The following TRPA1 variants were observed in gnomAD, a reference collection of about 807,000 sequenced individuals.
The protein encoded by TRPA1 is ankyrin-like with transmembrane domains 1.
In TRPA1, 129 loss-of-function variants were observed where a neutral mutation model predicts 131.3. That is an observed-to-expected ratio of 0.98 (90% CI 0.85 to 1.14). The LOEUF (loss-of-function observed/expected upper bound fraction) is 1.14. TRPA1 is among the 50% of genes most tolerant of loss of function. The pLI is 0.00. For missense variants in TRPA1, 1,304 were observed against 1,354.2 expected (o/e 0.96, Z 0.58); for synonymous variants, 441 against 451.7 (o/e 0.98, Z 0.30).
chr8:72,076,201 C>T (rs1806181252), upstream of TRPA1, among the ~76,000 whole-genome samples: 3 of 152,150 alleles, frequency 2.0e-5, no homozygotes, highest in Admixed American at 2.0e-4. Flanking sequence ...ATCCCCCTCA[C>T]ACTTTGGTGT....
At chr8:72,084,593 A>C in the TRPA1 span, among the ~76,000 whole-genome samples, 1 of 148,778 alleles carries the variant, frequency 6.7e-6, no homozygotes, top group Non-Finnish European at 1.5e-5. Context: ...AAATTATCTT[A>C]CTTTATTTAT....
Position 72,065,547 on chromosome 8 carries a change from C to T in TRPA1, c.456G>A (p.Glu152=). The change falls in exon 4 of 27, where the codon GAG becomes GAA. Residue 152 remains glutamate, a synonymous_variant. Coordinates refer to ENST00000262209, the MANE Select transcript of TRPA1 (RefSeq NM_007332.3). The part of the protein sequence containing the change: ...MNNEVMKVLL[E]HRTIDVNLEG... The stretch of plus-strand genomic sequence containing the variant: ...CCAAATTAACATCAATAGTTCTATG[C>T]TCAAGCAAGACCTAAAAAAAGGGGA... The T allele has an allele frequency of 3.1e-6, 5 of 1,612,986 alleles. No homozygotes were observed. The highest frequency in any genetic ancestry group is 4.2e-6 in the Non-Finnish European group (5 of 1,179,320).
intron 1 of TRPA1, among the ~76,000 whole-genome samples, chr8:72,074,110 A>G (rs957842828): frequency 6.6e-6 from 1 of 152,012 alleles, no homozygotes; most frequent in African/African-American, 2.4e-5. Context: ...ACATACAGAC[A>G]TATCCATAAA....
chr8:72,029,075 C>T (rs749111081), intron 24 of TRPA1, among the ~76,000 whole-genome samples: 2 of 152,126 alleles, frequency 1.3e-5, no homozygotes, highest in African/African-American at 2.4e-5. Context: ...CAGGAAGGCA[C>T]CTCACAAGAT....
intron 9 of TRPA1, 92 bp from the exon 10 acceptor site, chr8:72,057,109 T>A: frequency 1.0e-6 from 1 of 978,646 alleles, no homozygotes; most frequent in Non-Finnish European, 1.5e-6. Flanking sequence ...AAAATTTGAC[T>A]AAAAATATTG....
Position 72,021,539 on chromosome 8 carries a change from A to T in TRPA1, c.*1367T>A, listed in dbSNP as rs2044270. ...TGCAACATTGCCTCTAGGCCATGTG[A>T]TCTGTTGGACCATGAATGTAAAAGT... is the stretch of plus-strand genomic sequence containing the variant. On this transcript the variant is annotated 3_prime_UTR_variant, in exon 27 of 27. Transcript: ENST00000262209. 97,201 of 152,098 alleles carry T rather than the reference A, an allele frequency of 0.64. 32,061 individuals are homozygous for T. The highest frequency in any genetic ancestry group is 0.81 in the African/African-American group (33,525 of 41,536). The allele number at this position is 152,098 out of a possible 1,614,324, so 9.4% of individuals were successfully genotyped here.
chr8:72,076,470 T>A (rs1806188152), upstream of TRPA1: 1 of 152,296 alleles, frequency 6.6e-6, no homozygotes, highest in African/African-American at 2.4e-5. Context: ...TAAGGCTGAT[T>A]ATACCTTGCA....
At chr8:72,086,744 T>G in the TRPA1 span, among the ~76,000 whole-genome samples, 1 of 152,226 alleles carries the variant, frequency 6.6e-6, no homozygotes, top group Non-Finnish European at 1.5e-5. Flanking sequence ...AGATTTTCTA[T>G]TGTTTACCTT....
At chr8:72,079,850 G>T (rs1806256238), upstream of TRPA1, among the ~76,000 whole-genome samples, 2 of 151,846 alleles carry the variant, frequency 1.3e-5, no homozygotes, top group Admixed American at 1.3e-4. Flanking sequence ...GTGCTTTGTA[G>T]TTTTCTATGT....
At chr8:72,052,992 TGTGA>T (rs1440587793) in intron 13 of TRPA1, 318 of 375,544 alleles carry the variant, frequency 8.5e-4, no homozygotes, top group African/African-American at 4.8e-3. Flanking sequence ...TGTGTGTGTG[TGTGA>T]GAGATAGAGA....
intron 17 of TRPA1, among the ~76,000 whole-genome samples, chr8:72,040,653 C>T (rs1300028395): frequency 2.0e-5 from 3 of 152,062 alleles, no homozygotes; most frequent in Non-Finnish European, 4.4e-5. Context: ...TGAATCTAAG[C>T]TCTGACATGA....
chr8:72,038,735 T>C (rs1337057614), intron 19 of TRPA1, 130 bp downstream of exon 19: 4 of 769,408 alleles, frequency 5.2e-6, no homozygotes, highest in Non-Finnish European at 8.1e-6. Context: ...AAATTATTAC[T>C]GTATACAAAT....
chr8:72,030,403 G>A (rs1811772510), intron 23 of TRPA1, among the ~76,000 whole-genome samples: 1 of 152,098 alleles, frequency 6.6e-6, no homozygotes, highest in Non-Finnish European at 1.5e-5. Context: ...TCATAGCAAG[G>A]CCTCTGTGGC....
intron 13 of TRPA1, 150 bp downstream of exon 13, chr8:72,053,603 C>A: frequency 1.5e-6 from 1 of 685,476 alleles, no homozygotes; most frequent in South Asian, 1.6e-5. Context: ...TTGATTCATA[C>A]TTCACCTCAA....
At chr8:72,046,693 C>T (rs1585862685) in intron 16 of TRPA1, 85 bp from the exon 17 acceptor site, 2 of 690,888 alleles carry the variant, frequency 2.9e-6, no homozygotes, top group East Asian at 5.4e-5. Context: ...AAATCAAATA[C>T]ACAAATTTAC....
chr8:72,075,859 A>T (rs942001704), upstream of TRPA1, among the ~76,000 whole-genome samples: 62 of 135,050 alleles, frequency 4.6e-4, no homozygotes, highest in African/African-American at 1.0e-3. Flanking sequence ...CTTGCATGTG[A>T]GTGTGTGTGT....
At chr8:72,036,560 A>T in intron 20 of TRPA1, 103 bp from the exon 21 acceptor site, 1 of 1,127,280 alleles carries the variant, frequency 8.9e-7, no homozygotes, top group Non-Finnish European at 1.3e-6. Context: ...CTTTGCAGCC[A>T]GCTGGGGAGA....
chr8:72,049,171 C>A (rs990211811), intron 15 of TRPA1, among the ~76,000 whole-genome samples: 26 of 151,842 alleles, frequency 1.7e-4, no homozygotes, highest in African/African-American at 5.3e-4. Context: ...AAATAAAGAA[C>A]AATAAGTGCT....
chr8:72,036,017 AAAAAAAAAAAAAAG>A (rs1812033278), intron 21 of TRPA1, among the ~76,000 whole-genome samples: 1 of 149,502 alleles, frequency 6.7e-6, no homozygotes, highest in South Asian at 2.1e-4. Context: ...AAAAAAAAAA[AAAAAAAAAAAAAAG>A]AAGAAGAAGA....
Sources: gnomAD v4.1 joint callset for allele counts (sites outside exome capture counted in the v4.1 genomes callset) on GRCh38, gnomAD v4.1.1 for gene constraint, MANE v1.5 for transcripts, NCBI Gene and HGNC (gene_info 2026-07-23, HGNC 2026-07-21) for gene names.